Variants in ATAD5 observed in about 807,000 individuals in gnomAD.
The protein encoded by ATAD5 is ATPase family AAA domain-containing protein 5.
In ATAD5, 58 loss-of-function variants were observed where a neutral mutation model predicts 176.9. That is an observed-to-expected ratio of 0.33 (90% CI 0.27 to 0.41). The LOEUF (loss-of-function observed/expected upper bound fraction) is 0.41. Ranked by LOEUF, ATAD5 falls within the 10% of genes least tolerant of loss-of-function variation. The pLI, the probability that ATAD5 is intolerant of heterozygous loss-of-function variation, is 1.00. For synonymous variants in ATAD5, 640 were observed against 712.6 expected (o/e 0.90, Z 1.62); for missense variants, 1,789 against 2,094.1 (o/e 0.85, Z 2.84).
In ATAD5 at chr17:30,893,933, C is replaced by T. The variant is rs1909773268; in HGVS notation, c.5080C>T (p.Leu1694Phe). ...AAGTGGACTTTGTGATGAGTTTAGT[C>T]TTGAGAGTAATGATGGATGGACTTC... The part of the protein sequence containing the change: ...VTSGLCDEFS[L>F]ESNDGWTSQS... The change falls in exon 21 of 23, where the codon CTT (leucine) becomes TTT (phenylalanine). Residue 1694 changes from leucine to phenylalanine, a missense_variant. Transcript: ENST00000321990. The T allele has an allele frequency of 2.5e-6, 4 of 1,614,024 alleles. No individual in the cohort carries two copies. Among genetic ancestry groups the T allele is most frequent in the Non-Finnish European group, 3.4e-6 (4 of 1,179,930 alleles).
Position 30,887,195 on chromosome 17 carries a change from A to C in ATAD5, c.4081A>C (p.Asn1361His). 1.3e-6 allele frequency: 2 copies of C among 1,577,198 alleles called. No individual in the cohort carries two copies. Among genetic ancestry groups the C allele is most frequent in the South Asian group, 1.2e-5 (1 of 84,414 alleles). ...CATTTCTCTCTCTGTTTTGAAGCTA[A>C]ATGTTGCCAGCTACCTACAAATGAT... ...EIKFSTPSLLNVASYLQMICL... is the reference protein window; with the variant it reads ...EIKFSTPSLLHVASYLQMICL... Residue 1361 changes from asparagine to histidine, a missense_variant, in exon 19 of 23, where the codon AAT becomes CAT. Physicochemically the swap from Asn to His is moderately conservative, Grantham distance 68. Transcript: ENST00000321990.
At chr17:30,860,212 T>C (rs1907543694) in intron 9 of ATAD5, among the ~76,000 whole-genome samples, 1 of 152,088 alleles carries the variant, frequency 6.6e-6, no homozygotes. Context: ...TTAGTAGAGA[T>C]GGAGTTTCCC....
chr17:30,887,464 C>A (rs1909384238), intron 19 of ATAD5, 92 bp downstream of exon 19: 4 of 1,089,812 alleles, frequency 3.7e-6, no homozygotes, highest in Non-Finnish European at 5.3e-6. Flanking sequence ...TGCCTGTAAT[C>A]CCAGCACTTT....
At chr17:30,848,217 G>A (rs1278993131) in intron 6 of ATAD5, among the ~76,000 whole-genome samples, 10 of 151,752 alleles carry the variant, frequency 6.6e-5, no homozygotes, top group Admixed American at 5.9e-4. Context: ...TCTGGTAGCT[G>A]CCTATCTTTG....
chr17:30,889,041 C>G (rs1909476348), intron 19 of ATAD5, among the ~76,000 whole-genome samples: 4 of 142,522 alleles, frequency 2.8e-5, no homozygotes, highest in Middle Eastern at 7.6e-3. Flanking sequence ...ACCTGGGCGA[C>G]AGAGTGAGAC....
chr17:30,878,611 TATAA>T (rs1286521843), intron 17 of ATAD5, among the ~76,000 whole-genome samples: 5 of 151,712 alleles, frequency 3.3e-5, no homozygotes, highest in Non-Finnish European at 7.4e-5. Flanking sequence ...TTTTTCCAAT[TATAA>T]ATATTCATGA....
rs986845369 is a variant in ATAD5 at position 30,877,512 on chromosome 17, G to A, written c.3881G>A (p.Ser1294Asn). Reference protein sequence around the residue: ...NVKDVGAEEPSRKNATSLILF... With the variant: ...NVKDVGAEEPNRKNATSLILF... ...AAAGACGTTGGAGCTGAAGAACCCAGCAGAAAAAATGCAACATCTCTTATT... is the reference window on the plus strand; with the variant it reads ...AAAGACGTTGGAGCTGAAGAACCCAACAGAAAAAATGCAACATCTCTTATT... Residue 1294 changes from serine to asparagine, a missense_variant, in exon 16 of 23, where the codon AGC becomes AAC. By Grantham distance (46) the Ser-to-Asn change is conservative. Coordinates refer to ENST00000321990, the MANE Select transcript of ATAD5 (RefSeq NM_024857.5). The A allele has an allele frequency of 1.2e-6, 2 of 1,611,356 alleles. No homozygotes were observed. Among genetic ancestry groups the A allele is most frequent in the Non-Finnish European group, 1.7e-6 (2 of 1,179,166 alleles).
At chr17:30,841,115 T>C (rs1289842715) in intron 4 of ATAD5, among the ~76,000 whole-genome samples, 3 of 152,094 alleles carry the variant, frequency 2.0e-5, no homozygotes, top group African/African-American at 7.2e-5. Context: ...GTTCGAGCGA[T>C]TCTCCTGCCT....
Position 30,860,951 on chromosome 17 carries a change from G to A in ATAD5, c.3136+339G>A, listed in dbSNP as rs534660003. 1.9e-4 allele frequency among the ~76,000 whole-genome samples: 29 copies of A among 150,804 alleles called. 1 individual carries two copies. In the South Asian group the frequency reaches 4.4e-3, roughly 23 times the overall value. On this transcript the variant is annotated intron_variant, in intron 10 of 22. Coordinates refer to ENST00000321990, the MANE Select transcript of ATAD5 (RefSeq NM_024857.5). ...GAGATGGAGTCTTGCACGGTCGCCC[G>A]GGCTGGAGCCCACCATCATGCCCAG...
chr17:30,850,869 A>ATAT (rs1555554637), intron 6 of ATAD5, among the ~76,000 whole-genome samples: 2 of 14,782 alleles, frequency 1.4e-4, no homozygotes, highest in Admixed American at 1.4e-3. Context: ...ATATATATAT[A>ATAT]TTTTTTTTTT....
intron 19 of ATAD5, among the ~76,000 whole-genome samples, chr17:30,889,886 C>CTTTTTTTTTTTTTTTTTTT (rs60266614): frequency 4.2e-5 from 4 of 95,710 alleles, no homozygotes; most frequent in African/African-American, 8.7e-5. Flanking sequence ...TCTTTTCTTT[C>CTTTTTTTTTTTTTTTTTTT]TTTTTTTTTT....
chr17:30,832,230 G>A lies in ATAD5; in HGVS notation c.-118G>A, dbSNP rs1302621058. 6.8e-6 allele frequency: 6 copies of A among 882,302 alleles called. No individual in the cohort carries two copies. Among genetic ancestry groups the A allele is most frequent in the Non-Finnish European group, 7.9e-6 (5 of 631,582 alleles). The allele number at this position is 882,302 out of a possible 1,614,324, so 54.7% of individuals were successfully genotyped here. Reference sequence around the variant, plus strand: ...CGGTGGGCGCGGGGGAATCCGAAACGGCTCAGCAGAATCCCAGCAGCTTGC... The same window carrying A: ...CGGTGGGCGCGGGGGAATCCGAAACAGCTCAGCAGAATCCCAGCAGCTTGC... On this transcript the variant is annotated 5_prime_UTR_variant, in exon 1 of 23. Coordinates refer to ENST00000321990, the MANE Select transcript of ATAD5 (RefSeq NM_024857.5).
At chr17:30,868,257 C>T (rs1406827331) in intron 11 of ATAD5, 76 bp from the exon 12 acceptor site, 5 of 1,231,964 alleles carry the variant, frequency 4.1e-6, no homozygotes, top group East Asian at 2.8e-5. Flanking sequence ...TAACTTCCCC[C>T]GATAATCATT....
intron 17 of ATAD5, among the ~76,000 whole-genome samples, chr17:30,878,718 GTTTTTTTTT>G (rs71142005): frequency 2.3e-4 from 13 of 56,872 alleles, no homozygotes; most frequent in South Asian, 8.9e-4. Context: ...GTTAGGTGGT[GTTTTTTTTT>G]TTTTTTTTTT....
Position 30,894,941 on chromosome 17 carries a change from G to A in ATAD5, c.*28G>A. The A allele has an allele frequency of 1.4e-6, 2 of 1,468,922 alleles. No individual in the cohort carries two copies. Among genetic ancestry groups the A allele is most frequent in the Non-Finnish European group, 9.2e-7 (1 of 1,081,232 alleles). The allele number at this position is 1,468,922 out of a possible 1,614,324, so 91.0% of individuals were successfully genotyped here. ...TTCCATACTAACAATGCTTTGTATAGATTATCATGTGGTCCTTAAGATACA... is the reference window on the plus strand; with the variant it reads ...TTCCATACTAACAATGCTTTGTATAAATTATCATGTGGTCCTTAAGATACA... On this transcript the variant is annotated 3_prime_UTR_variant, in exon 23 of 23. Coordinates refer to ENST00000321990, the MANE Select transcript of ATAD5 (RefSeq NM_024857.5).
chr17:30,848,947 T>G (rs902184889), intron 6 of ATAD5, among the ~76,000 whole-genome samples: 1 of 152,188 alleles, frequency 6.6e-6, no homozygotes, highest in African/African-American at 2.4e-5. Flanking sequence ...CTTGGCTCAC[T>G]GCAGTCTCCG....
chr17:30,851,676 G>C (rs182820206), intron 6 of ATAD5, among the ~76,000 whole-genome samples: 8 of 152,036 alleles, frequency 5.3e-5, no homozygotes, highest in African/African-American at 1.7e-4. Context: ...TCCGCCTCCC[G>C]GGTTCAAGTG....
intron 10 of ATAD5, 126 bp from the exon 11 acceptor site, chr17:30,865,578 T>C (rs1015771435): frequency 1.1e-5 from 6 of 534,058 alleles, no homozygotes; most frequent in Non-Finnish European, 1.9e-5. Context: ...ACCTCTGGCA[T>C]TTTGTAAATA....
intron 3 of ATAD5, among the ~76,000 whole-genome samples, chr17:30,838,664 A>G (rs1034306641): frequency 6.6e-6 from 1 of 152,106 alleles, no homozygotes; most frequent in Non-Finnish European, 1.5e-5. Flanking sequence ...CACATATTTT[A>G]TTCTTCTTGA....
Sources: allele counts gnomAD v4.1 joint callset (sites outside exome capture counted in the v4.1 genomes callset), GRCh38; gene constraint gnomAD v4.1.1; transcripts MANE v1.5; gene names NCBI Gene and HGNC (gene_info 2026-07-23, HGNC 2026-07-21).